The following SUGCT variants were observed in gnomAD, a reference collection of about 807,000 sequenced individuals.
SUGCT encodes succinyl-CoA:glutarate CoA-transferase.
SUGCT carries 41 observed loss-of-function variants against 55.0 expected under a neutral mutation model. The observed-to-expected ratio is 0.74, with a 90% CI of 0.58 to 0.97. The LOEUF is 0.97. SUGCT is among the 50% of genes least tolerant of loss of function. The pLI is 0.00. For synonymous variants in SUGCT, 187 were observed against 200.4 expected, an observed-to-expected ratio of 0.93 and a Z score of 0.56; for missense variants, 568 against 547.8, an observed-to-expected ratio of 1.04 and a Z score of -0.37.
At chr7:40,733,790 A>C (rs1428366873) in intron 12 of SUGCT, among the ~76,000 whole-genome samples, 1 of 152,126 alleles carries the variant, frequency 6.6e-6, no homozygotes, top group African/African-American at 2.4e-5. Context: ...ACATTTATCA[A>C]CCGCTGCTTG....
At chr7:40,420,131 G>T (rs1489294644) in intron 9 of SUGCT, among the ~76,000 whole-genome samples, 1 of 152,070 alleles carries the variant, frequency 6.6e-6, no homozygotes, top group Admixed American at 6.5e-5. Context: ...GAGAACCTTC[G>T]GAGTATCAGC....
the SUGCT span, among the ~76,000 whole-genome samples, chr7:40,941,772 A>G: frequency 6.6e-6 from 1 of 152,136 alleles, no homozygotes; most frequent in African/African-American, 2.4e-5. Flanking sequence ...GTATATATTT[A>G]GGATTGTAAT....
At chr7:40,642,119 G>C (rs1447750665) in intron 12 of SUGCT, among the ~76,000 whole-genome samples, 3 of 152,168 alleles carry the variant, frequency 2.0e-5, no homozygotes, top group African/African-American at 7.2e-5. Flanking sequence ...ATTCTGGCTT[G>C]CCAACGTCTG....
chr7:40,617,810 T>TA (rs1192911535), intron 12 of SUGCT, among the ~76,000 whole-genome samples: 1 of 152,172 alleles, frequency 6.6e-6, no homozygotes, highest in Non-Finnish European at 1.5e-5. Context: ...GTGCTACTCA[T>TA]AAAAAAGCTA....
At chr7:40,810,916 C>A (rs1266565538) in intron 13 of SUGCT, among the ~76,000 whole-genome samples, 1 of 152,134 alleles carries the variant, frequency 6.6e-6, no homozygotes, top group Non-Finnish European at 1.5e-5. Flanking sequence ...AATCTTTAAT[C>A]CATCTTGAGT....
chr7:40,852,166 C>G (rs964056432), intron 13 of SUGCT, among the ~76,000 whole-genome samples: 1 of 152,230 alleles, frequency 6.6e-6, no homozygotes. Context: ...CTTGTCCATG[C>G]AATCCATTCA....
At chr7:40,689,885 A>G (rs1428594649) in intron 12 of SUGCT, among the ~76,000 whole-genome samples, 1 of 152,180 alleles carries the variant, frequency 6.6e-6, no homozygotes, top group Non-Finnish European at 1.5e-5. Flanking sequence ...ACTTACCCCT[A>G]TGGATTTTCC....
chr7:40,706,850 A>G (rs1478302092), intron 12 of SUGCT, among the ~76,000 whole-genome samples: 4 of 152,244 alleles, frequency 2.6e-5, no homozygotes, highest in African/African-American at 9.6e-5. Context: ...GCTAGGTTAT[A>G]TAATCTGGCT....
In SUGCT at chr7:40,604,303, C is replaced by T. The variant is rs539119578; in HGVS notation, c.1089+107917C>T. Among the ~76,000 whole-genome samples, 9 of 152,234 alleles carry T rather than the reference C, an allele frequency of 5.9e-5. No individual in the cohort carries two copies. The East Asian group carries it at 1.5e-3, about 26-fold the overall frequency. On this transcript the variant is annotated intron_variant, in intron 12 of 13. Coordinates refer to ENST00000335693, the MANE Select transcript of SUGCT (RefSeq NM_001193313.2). ...GGTCCCTTGCTTTTCTCAGAAAAAGCGTGGGAACTTGTAGGTTTCCTTGAA... is the reference window on the plus strand; with the variant it reads ...GGTCCCTTGCTTTTCTCAGAAAAAGTGTGGGAACTTGTAGGTTTCCTTGAA...
intron 12 of SUGCT, among the ~76,000 whole-genome samples, chr7:40,532,052 C>T (rs1394851726): frequency 6.6e-6 from 1 of 152,192 alleles, no homozygotes. Context: ...TTCTGGGTAA[C>T]CATTTGTTCA....
At chr7:40,725,984 A>T (rs1786594156) in intron 12 of SUGCT, among the ~76,000 whole-genome samples, 2 of 152,192 alleles carry the variant, frequency 1.3e-5, no homozygotes, top group South Asian at 4.1e-4. Context: ...CAGTCATTAG[A>T]AGATAATATA....
intron 9 of SUGCT, among the ~76,000 whole-genome samples, chr7:40,419,447 A>G (rs906786014): frequency 6.6e-6 from 1 of 152,224 alleles, no homozygotes; most frequent in Non-Finnish European, 1.5e-5. Context: ...GAAGGAAATG[A>G]AGGAGAGTTC....
intron 8 of SUGCT, among the ~76,000 whole-genome samples, chr7:40,276,142 G>T (rs1325474374): frequency 6.6e-6 from 1 of 152,186 alleles, no homozygotes; most frequent in Non-Finnish European, 1.5e-5. Context: ...CTATGTATGG[G>T]TTTTTACATA....
At chr7:40,358,387 A>G (rs1361786281) in intron 9 of SUGCT, among the ~76,000 whole-genome samples, 1 of 152,138 alleles carries the variant, frequency 6.6e-6, no homozygotes, top group Non-Finnish European at 1.5e-5. Flanking sequence ...GGCTATTTCT[A>G]TGAGGCTCTT....
intron 12 of SUGCT, among the ~76,000 whole-genome samples, chr7:40,572,478 A>G (rs766571361): frequency 1.1e-4 from 17 of 151,880 alleles, no homozygotes; most frequent in Admixed American, 8.5e-4. Context: ...GGAGGGGAGG[A>G]TCTTACATGT....
chr7:41,000,586 T>A, the SUGCT span, among the ~76,000 whole-genome samples: 1 of 152,164 alleles, frequency 6.6e-6, no homozygotes, highest in Non-Finnish European at 1.5e-5. Flanking sequence ...ATATTGTGTT[T>A]TGTAAGCCAG....
At chr7:40,843,969 C>T (rs928619899) in intron 13 of SUGCT, among the ~76,000 whole-genome samples, 13 of 152,064 alleles carry the variant, frequency 8.5e-5, no homozygotes, top group Admixed American at 1.3e-4. Context: ...CTCATTTACT[C>T]GGCCCGCAGC....
chr7:40,210,372 G>T (rs1459835669), intron 6 of SUGCT, among the ~76,000 whole-genome samples: 1 of 151,514 alleles, frequency 6.6e-6, no homozygotes, highest in Non-Finnish European at 1.5e-5. Context: ...CCATACCTTG[G>T]TTTTTGCCTG....
intron 11 of SUGCT, among the ~76,000 whole-genome samples, chr7:40,476,300 G>T (rs1310676567): frequency 6.6e-6 from 1 of 152,130 alleles, no homozygotes. Flanking sequence ...GGGAACAAGT[G>T]AGGCTGTTTC....
Sources: gnomAD v4.1 joint callset for allele counts (sites outside exome capture counted in the v4.1 genomes callset) on GRCh38, gnomAD v4.1.1 for gene constraint, MANE v1.5 for transcripts, NCBI Gene and HGNC (gene_info 2026-07-23, HGNC 2026-07-21) for gene names.